EPSTI1: variants seen among roughly 807,000 people sequenced by gnomAD.
The protein encoded by EPSTI1 is epithelial-stromal interaction protein 1.
Under a neutral mutation model 49.9 loss-of-function variants are expected in EPSTI1, and 66 were observed. The observed-to-expected ratio is 1.32, with a 90% CI of 1.08 to 1.62. The LOEUF (loss-of-function observed/expected upper bound fraction) is 1.62. Ranked by LOEUF, EPSTI1 falls within the 40% of genes most tolerant of loss-of-function variation. EPSTI1 has a pLI of 0.00. For synonymous variants in EPSTI1, 137 were observed against 130.7 expected (o/e 1.05, Z -0.33); for missense variants, 394 against 365.5 (o/e 1.08, Z -0.64).
intron 9 of EPSTI1, among the ~76,000 whole-genome samples, chr13:42,897,621 C>T (rs776628370): frequency 3.3e-5 from 5 of 152,162 alleles, no homozygotes; most frequent in African/African-American, 4.8e-5. Context: ...TCAAACCCTG[C>T]GAAGACTGAT....
intron 6 of EPSTI1, among the ~76,000 whole-genome samples, chr13:42,932,182 C>G (rs553212846): frequency 6.6e-6 from 1 of 152,094 alleles, no homozygotes; most frequent in South Asian, 2.1e-4. Flanking sequence ...ATCCTCCCAC[C>G]TCAGCCTCCC....
intron 1 of EPSTI1, 70 bp downstream of exon 1, chr13:42,991,908 A>G: frequency 1.3e-6 from 2 of 1,561,120 alleles, no homozygotes; most frequent in South Asian, 1.1e-5. Context: ...TCCAAGGACC[A>G]AGGTGCTTGT....
Position 42,888,390 on chromosome 13 carries a change from T to C in EPSTI1, c.*104A>G, listed in dbSNP as rs749945617. 2 of 1,613,992 alleles carry C rather than the reference T, an allele frequency of 1.2e-6. No homozygotes were observed. The highest frequency in any genetic ancestry group is 1.7e-5 in the Admixed American group (1 of 60,006). On this transcript the variant is annotated 3_prime_UTR_variant, in exon 11 of 11. Coordinates refer to ENST00000313624, the MANE Select transcript of EPSTI1 (RefSeq NM_033255.5). ...CGGTCAAGTGTGTGGGCAGTTGAAA[T>C]TAAGGTAAAAACAGTGAGGCTGAAC... is the stretch of plus-strand genomic sequence containing the variant.
chr13:42,985,976 G>A (rs570845802), intron 1 of EPSTI1, among the ~76,000 whole-genome samples: 10 of 152,298 alleles, frequency 6.6e-5, no homozygotes, highest in South Asian at 6.2e-4. Flanking sequence ...TGAGAATGTC[G>A]CGATGATTAA....
chr13:42,956,871 T>C (rs1022963160), intron 5 of EPSTI1, among the ~76,000 whole-genome samples: 1 of 152,146 alleles, frequency 6.6e-6, no homozygotes, highest in African/African-American at 2.4e-5. Flanking sequence ...TAAGAAGGAA[T>C]AATTATATAG....
At chr13:42,894,797 T>C (rs3818403) in intron 10 of EPSTI1, among the ~76,000 whole-genome samples, 57,358 of 151,862 alleles carry the variant, frequency 0.38, 11,192 homozygotes, top group East Asian at 0.59. Context: ...TTTACTGTGA[T>C]TGGCCAGAGC....
intron 5 of EPSTI1, among the ~76,000 whole-genome samples, chr13:42,955,813 C>CA (rs60619102): frequency 0.017 from 1,872 of 109,016 alleles, 38 homozygotes; most frequent in African/African-American, 0.059. Flanking sequence ...AGAAGAAAAA[C>CA]AAAAAAAAAC....
chr13:42,960,379 G>A (rs2039411555), intron 5 of EPSTI1, among the ~76,000 whole-genome samples: 1 of 152,168 alleles, frequency 6.6e-6, no homozygotes, highest in South Asian at 2.1e-4. Context: ...TTGCTGTGGG[G>A]AGTTAGGAAA....
chr13:42,935,882 A>C (rs112940714), intron 6 of EPSTI1, among the ~76,000 whole-genome samples: 1 of 152,056 alleles, frequency 6.6e-6, no homozygotes, highest in Admixed American at 6.5e-5. Context: ...GTGAGCCACC[A>C]TGCCCGGCCC....
intron 1 of EPSTI1, among the ~76,000 whole-genome samples, chr13:42,984,449 G>A (rs1298124329): frequency 6.6e-6 from 1 of 152,326 alleles, no homozygotes; most frequent in South Asian, 2.1e-4. Flanking sequence ...AATATTTTAT[G>A]TGGCTTATTC....
chr13:42,888,896 G>A (rs1002581275), intron 10 of EPSTI1, among the ~76,000 whole-genome samples: 4 of 152,200 alleles, frequency 2.6e-5, no homozygotes, highest in African/African-American at 9.6e-5. Context: ...GTATTATACA[G>A]CAGAAAGGTG....
rs568126814 is a variant in EPSTI1, at chr13:42,929,511, G to T, written c.564-3082C>A. On this transcript the variant is annotated intron_variant, in intron 6 of 10. Transcript: ENST00000313624. ...GGTCTTTCTAACACTTTCTCCCTGA[G>T]ATAACTCACCATTCCCTATGGTATG... Among the ~76,000 whole-genome samples the T allele has an allele frequency of 5.1e-4, 77 of 152,266 alleles. 1 individual carries two copies. In the South Asian group the frequency reaches 0.016, roughly 31 times the overall value.
intron 6 of EPSTI1, among the ~76,000 whole-genome samples, chr13:42,937,640 G>A (rs1201033101): frequency 6.6e-6 from 1 of 152,182 alleles, no homozygotes; most frequent in African/African-American, 2.4e-5. Flanking sequence ...GTTGAAGTTT[G>A]ATCATAAGAT....
chr13:42,902,187 C>G (rs1248828455), intron 8 of EPSTI1, among the ~76,000 whole-genome samples: 38 of 152,102 alleles, frequency 2.5e-4, no homozygotes, highest in Non-Finnish European at 2.9e-5. Context: ...TCACCCCAAT[C>G]CCAACTTCCT....
chr13:42,927,556 T>C (rs996336611), intron 6 of EPSTI1, among the ~76,000 whole-genome samples: 1 of 152,154 alleles, frequency 6.6e-6, no homozygotes, highest in African/African-American at 2.4e-5. Flanking sequence ...AAGTATCTGG[T>C]AGAACAAATG....
At chr13:42,945,925 T>C (rs367808002) in intron 6 of EPSTI1, among the ~76,000 whole-genome samples, 2 of 152,222 alleles carry the variant, frequency 1.3e-5, no homozygotes, top group Non-Finnish European at 2.9e-5. Context: ...AAAATAGATA[T>C]GAGATTTTTG....
At chr13:42,901,501 G>T (rs910078970) in intron 8 of EPSTI1, among the ~76,000 whole-genome samples, 1 of 152,062 alleles carries the variant, frequency 6.6e-6, no homozygotes, top group African/African-American at 2.4e-5. Context: ...TTGAGTTTTT[G>T]AAATCAATGA....
intron 7 of EPSTI1, among the ~76,000 whole-genome samples, chr13:42,920,138 T>A (rs1165728379): frequency 6.6e-6 from 1 of 152,186 alleles, no homozygotes; most frequent in Non-Finnish European, 1.5e-5. Flanking sequence ...TTATTTCCTC[T>A]GTAAAGATGC....
intron 5 of EPSTI1, among the ~76,000 whole-genome samples, chr13:42,955,878 G>GGCGGGGGC (rs1555266325): frequency 1.2e-4 from 4 of 32,524 alleles, no homozygotes; most frequent in African/African-American, 2.9e-4. Context: ...AGAAGTATTT[G>GGCGGGGGC]GGGGGGGGGG....
Sources: gnomAD v4.1 joint callset for allele counts (sites outside exome capture counted in the v4.1 genomes callset) on GRCh38, gnomAD v4.1.1 for gene constraint, MANE v1.5 for transcripts, NCBI Gene and HGNC (gene_info 2026-07-23, HGNC 2026-07-21) for gene names.